BMPR2: variants seen among roughly 807,000 people sequenced by gnomAD.
BMPR2 encodes bone morphogenetic protein receptor type-2.
A neutral mutation model predicts 100.8 loss-of-function variants in BMPR2; 29 were observed. The observed-to-expected ratio is 0.29, with a 90% CI of 0.21 to 0.39. BMPR2 has a LOEUF of 0.39. Among genes scored for constraint, BMPR2 ranks in the 10% least tolerant of loss-of-function variants. The pLI, the probability that BMPR2 is intolerant of heterozygous loss-of-function variation, is 1.00. For synonymous variants in BMPR2, 382 were observed against 442.3 expected (o/e 0.86, Z 1.71); for missense variants, 1,011 against 1,274.5 (o/e 0.79, Z 3.15).
intron 1 of BMPR2, among the ~76,000 whole-genome samples, chr2:202,443,515 T>C (rs1437670016): frequency 6.7e-6 from 1 of 150,022 alleles, no homozygotes; most frequent in Non-Finnish European, 1.5e-5. Context: ...CTCTCTCTCT[T>C]TCTTTCCTTT....
At chr2:202,547,772 G>T in intron 10 of BMPR2, among the ~76,000 whole-genome samples, 1 of 87,542 alleles carries the variant, frequency 1.1e-5, no homozygotes, top group East Asian at 3.7e-4. Flanking sequence ...GACAGAGCAA[G>T]ATCCATCACA....
Position 202,464,797 on chromosome 2 carries a change from C to T in BMPR2, c.77-12C>T. On this transcript the variant is annotated splice_polypyrimidine_tract_variant and intron_variant, in intron 1 of 12. Coordinates refer to ENST00000374580, the MANE Select transcript of BMPR2 (RefSeq NM_001204.7). The stretch of plus-strand genomic sequence containing the variant: ...TAAATAATTTGTCATTCCTTTATTT[C>T]CTTTATTTTAGCTTCGCAGAATCAA... 6.2e-7 allele frequency: 1 copy of T among 1,603,254 alleles called. No homozygotes were observed. Among genetic ancestry groups the T allele is most frequent in the Non-Finnish European group, 8.5e-7 (1 of 1,175,130 alleles).
At chr2:202,388,007 A>G (rs187907899) in intron 1 of BMPR2, among the ~76,000 whole-genome samples, 200 of 152,290 alleles carry the variant, frequency 1.3e-3, no homozygotes, top group African/African-American at 4.6e-3. Flanking sequence ...GGCTAAACCA[A>G]TGTGTTAGCT....
intron 1 of BMPR2, among the ~76,000 whole-genome samples, chr2:202,396,212 G>A (rs1447691669): frequency 6.6e-6 from 1 of 152,192 alleles, no homozygotes; most frequent in Non-Finnish European, 1.5e-5. Flanking sequence ...TCAGTTTTAG[G>A]TCTGATCAGC....
intron 12 of BMPR2, 57 bp downstream of exon 12, chr2:202,556,588 CTATT>C (rs1418150250): frequency 5.8e-6 from 9 of 1,557,918 alleles, no homozygotes; most frequent in Non-Finnish European, 6.1e-6. Context: ...ATTTAAATAA[CTATT>C]TAGAATCAAC....
intron 7 of BMPR2, among the ~76,000 whole-genome samples, chr2:202,524,241 A>C (rs1185437533): frequency 6.6e-6 from 1 of 151,872 alleles, no homozygotes; most frequent in African/African-American, 2.4e-5. Flanking sequence ...GGGCGCCTGT[A>C]GTCCCAGCTA....
At chr2:202,401,698 A>G (rs984540481) in intron 1 of BMPR2, among the ~76,000 whole-genome samples, 3 of 152,232 alleles carry the variant, frequency 2.0e-5, no homozygotes, top group Admixed American at 6.5e-5. Context: ...GAGCCAAAAT[A>G]TTAATCTTTA....
intron 3 of BMPR2, among the ~76,000 whole-genome samples, chr2:202,490,682 T>C (rs556057161): frequency 8.0e-4 from 122 of 152,334 alleles, no homozygotes; most frequent in African/African-American, 2.8e-3. Flanking sequence ...TGTGAATGCC[T>C]CTGAGACAGG....
chr2:202,526,140 A>ATTAAT (rs1397589196), intron 7 of BMPR2, among the ~76,000 whole-genome samples: 1 of 152,144 alleles, frequency 6.6e-6, no homozygotes, highest in Non-Finnish European at 1.5e-5. Context: ...TGCTAGGATT[A>ATTAAT]CAGGTGTGAG....
chr2:202,513,637 C>A, intron 3 of BMPR2, 82 bp from the exon 4 acceptor site: 1 of 991,958 alleles, frequency 1.0e-6, no homozygotes, highest in South Asian at 1.3e-5. Context: ...ATGGGTACAG[C>A]CTTTCTAAAG....
At chr2:202,408,441 CA>C (rs1690947133) in intron 1 of BMPR2, among the ~76,000 whole-genome samples, 1 of 152,150 alleles carries the variant, frequency 6.6e-6, no homozygotes, top group African/African-American at 2.4e-5. Flanking sequence ...GTTAGCTTTT[CA>C]TTATCACCAG....
At chr2:202,492,879 G>C (rs1474586944) in intron 3 of BMPR2, among the ~76,000 whole-genome samples, 2 of 152,088 alleles carry the variant, frequency 1.3e-5, no homozygotes, top group African/African-American at 2.4e-5. Flanking sequence ...GAGAGCAAAG[G>C]TTACTATGAT....
chr2:202,424,436 G>A (rs941667511), intron 1 of BMPR2, among the ~76,000 whole-genome samples: 4 of 149,818 alleles, frequency 2.7e-5, no homozygotes, highest in East Asian at 2.0e-4. Flanking sequence ...GGTGGCTCAC[G>A]CTTGTAATCC....
chr2:202,547,707 C>T (rs994141170), intron 10 of BMPR2, among the ~76,000 whole-genome samples: 4 of 143,218 alleles, frequency 2.8e-5, no homozygotes, highest in African/African-American at 1.0e-4. Flanking sequence ...CGCTTGAGCC[C>T]GGGAGGCAGA....
At chr2:202,436,709 T>C (rs1224407526) in intron 1 of BMPR2, among the ~76,000 whole-genome samples, 1 of 150,524 alleles carries the variant, frequency 6.6e-6, no homozygotes, top group African/African-American at 2.5e-5. Context: ...TTCCAAGTAA[T>C]ATTTTATAAT....
Position 202,491,191 on chromosome 2 carries a change from G to A in BMPR2, c.419-22528G>A, listed in dbSNP as rs551574629. Among the ~76,000 whole-genome samples, 270 of 152,156 alleles carry A rather than the reference G, an allele frequency of 1.8e-3. 1 individual carries two copies. The highest frequency in any genetic ancestry group is 6.8e-3 in the Middle Eastern group (2 of 294). On this transcript the variant is annotated intron_variant, in intron 3 of 12. Transcript: ENST00000374580. ...CCCACCTCAGCCTGCTGAGTAGCTG[G>A]GACTACACAGATGCGCCACTACACC...
intron 7 of BMPR2, among the ~76,000 whole-genome samples, chr2:202,521,450 G>A (rs934754414): frequency 9.9e-5 from 15 of 151,924 alleles, no homozygotes; most frequent in African/African-American, 3.4e-4. Flanking sequence ...ACCTGTAGTC[G>A]CAGCTACTTG....
chr2:202,396,702 A>G (rs1690662365), intron 1 of BMPR2, among the ~76,000 whole-genome samples: 1 of 152,224 alleles, frequency 6.6e-6, no homozygotes, highest in Non-Finnish European at 1.5e-5. Flanking sequence ...TACATCAGAG[A>G]TATTGCATGC....
intron 3 of BMPR2, among the ~76,000 whole-genome samples, chr2:202,474,468 A>G (rs975200981): frequency 1.3e-5 from 2 of 152,194 alleles, no homozygotes; most frequent in African/African-American, 4.8e-5. Flanking sequence ...CTCAAAAAAA[A>G]CCAAAAACAA....
Sources: allele counts gnomAD v4.1 joint callset (sites outside exome capture counted in the v4.1 genomes callset), GRCh38; gene constraint gnomAD v4.1.1; transcripts MANE v1.5; gene names NCBI Gene and HGNC (gene_info 2026-07-23, HGNC 2026-07-21).